Variants in TMOD2 observed in about 807,000 individuals in gnomAD.
TMOD2 encodes the protein tropomodulin-2.
Under a neutral mutation model 39.9 loss-of-function variants are expected in TMOD2, and 22 were observed. The ratio of observed to expected loss-of-function variants is 0.55; its 90% CI spans 0.39 to 0.79. The LOEUF is 0.79. TMOD2 is among the 30% of genes least tolerant of loss of function. The probability of loss-of-function intolerance (pLI) is 0.00; values close to 1 mark genes in which losing one functional copy is unlikely to be tolerated. For synonymous variants in TMOD2, 123 were observed against 146.1 expected, an observed-to-expected ratio of 0.84 and a Z score of 1.14; for missense variants, 386 against 413.3, an observed-to-expected ratio of 0.93 and a Z score of 0.57.
chr15:51,753,139 T>G (rs1163981813), intron 1 of TMOD2, among the ~76,000 whole-genome samples: 1 of 152,016 alleles, frequency 6.6e-6, no homozygotes, highest in Non-Finnish European at 1.5e-5. Context: ...AAAAGAAATA[T>G]GCAATAGAAG....
At position 51,816,079 on chromosome 15, in the gene TMOD2, G is replaced by C. The variant is rs2056186832; in HGVS notation, c.*7625G>C. 1 of 152,178 alleles carries C rather than the reference G, an allele frequency of 6.6e-6. No individual in the cohort carries two copies. Among genetic ancestry groups the C allele is most frequent in the Admixed American group, 6.5e-5 (1 of 15,284 alleles). 9.4% of individuals were successfully genotyped at this position (152,178 alleles called of 1,614,324 possible). On this transcript the variant is annotated 3_prime_UTR_variant, in exon 10 of 10. Coordinates refer to ENST00000249700, the MANE Select transcript of TMOD2 (RefSeq NM_014548.4). ...CTTTTTAAATGTGAAGTTGAACACT[G>C]TGTGGAAAGTAAATGTGTGATGAAG...
chr15:51,768,059 T>C (rs1174222307), intron 2 of TMOD2, among the ~76,000 whole-genome samples: 2 of 152,220 alleles, frequency 1.3e-5, no homozygotes, highest in African/African-American at 2.4e-5. Context: ...TTGAGCTCAT[T>C]GGGAGCCCCC....
rs146383373 is a variant in TMOD2, at chr15:51,794,214, C to T, written c.733-3983C>T. Among the ~76,000 whole-genome samples, 261 of 152,312 alleles carry T rather than the reference C, an allele frequency of 1.7e-3. 11 individuals carry two copies. Among genetic ancestry groups the T allele is most frequent in the East Asian group, 0.017 (88 of 5,180 alleles). ...TATCCTTCAATACACAGGACAGCCT[C>T]CCACAACAAAGAATTCTTTGGCCCC... On this transcript the variant is annotated intron_variant, in intron 7 of 9. Transcript: ENST00000249700.
chr15:51,777,454 T>C (rs571770673), intron 5 of TMOD2, among the ~76,000 whole-genome samples: 1 of 152,346 alleles, frequency 6.6e-6, no homozygotes, highest in African/African-American at 2.4e-5. Flanking sequence ...AATAGATGCT[T>C]GTCATTAGAA....
At chr15:51,795,610 C>CTTTCTTTTT (rs1555462818) in intron 7 of TMOD2, among the ~76,000 whole-genome samples, 1 of 122,670 alleles carries the variant, frequency 8.2e-6, no homozygotes, top group African/African-American at 3.0e-5. Context: ...TTCTTTCTTT[C>CTTTCTTTTT]TTTCTTTCTT....
chr15:51,771,644 G>A, intron 3 of TMOD2, among the ~76,000 whole-genome samples: 1 of 152,194 alleles, frequency 6.6e-6, no homozygotes, highest in East Asian at 1.9e-4. Flanking sequence ...CAGCCTGGGT[G>A]ACGGAGTGAG....
chr15:51,767,780 G>C (rs1688313297), intron 2 of TMOD2, among the ~76,000 whole-genome samples: 2 of 152,114 alleles, frequency 1.3e-5, no homozygotes. Context: ...TTCTGTTGTT[G>C]TTTTTTTAAA....
At chr15:51,804,793 G>A (rs945772365) in intron 8 of TMOD2, among the ~76,000 whole-genome samples, 20 of 152,012 alleles carry the variant, frequency 1.3e-4, no homozygotes, top group African/African-American at 3.6e-4. Flanking sequence ...GGCTGGTTTC[G>A]AACACCTGAC....
chr15:51,768,110 G>A lies in TMOD2; in HGVS notation c.127-152G>A, dbSNP rs60471699. On this transcript the variant is annotated intron_variant, in intron 2 of 9. Transcript: ENST00000249700. ...TTATAACAAATAGGGCCTCAGAGGC[G>A]TCCCAGAGCCCCCAGCCCTCAGCTC... 1,701 of 838,462 alleles carry A rather than the reference G, an allele frequency of 2.0e-3. 19 individuals carry two copies. In the African/African-American group the frequency reaches 0.024, roughly 12 times the overall value. The allele number at this position is 838,462 out of a possible 1,614,324, so 51.9% of individuals were successfully genotyped here.
rs781744279 is a variant in TMOD2, at chr15:51,782,775, C to G, written c.679C>G (p.His227Asp). 6.2e-7 allele frequency: 1 copy of G among 1,613,968 alleles called. No individual in the cohort carries two copies. Among genetic ancestry groups the G allele is most frequent in the Non-Finnish European group, 8.5e-7 (1 of 1,179,944 alleles). The change falls in exon 7 of 10, where the codon CAC becomes GAC. Residue 227 changes from histidine (H) to aspartate (D), a missense_variant. Physicochemically the swap from His to Asp is moderately conservative, Grantham distance 81. Transcript: ENST00000249700. ...EFAKALETNT[H>D]VKKFSLAATR... ...TGCAAAGGCTCTGGAGACCAACACT[C>G]ACGTGAAGAAGTTCAGCCTGGCCGC...
chr15:51,759,882 C>T (rs2055768825), intron 1 of TMOD2, among the ~76,000 whole-genome samples: 1 of 152,218 alleles, frequency 6.6e-6, no homozygotes, highest in South Asian at 2.1e-4. Flanking sequence ...CACCCAAGGC[C>T]TGAGGCCAGC....
intron 7 of TMOD2, among the ~76,000 whole-genome samples, chr15:51,797,120 A>G (rs1393763622): frequency 1.3e-5 from 2 of 152,262 alleles, no homozygotes; most frequent in Non-Finnish European, 2.9e-5. Flanking sequence ...ACTGAGGTTG[A>G]CAGCAGGTAA....
chr15:51,768,143 C>A, intron 2 of TMOD2, 119 bp from the exon 3 acceptor site: 1 of 1,184,674 alleles, frequency 8.4e-7, no homozygotes, highest in Non-Finnish European at 1.2e-6. Context: ...CTCACACGCA[C>A]ATTCTGCGTA....
rs2056146996 is a variant in TMOD2, at chr15:51,810,174, TTTA to T, written c.*1721_*1723del. The T allele has an allele frequency of 1.3e-5, 2 of 152,156 alleles. No homozygotes were observed. The highest frequency in any genetic ancestry group is 4.1e-4 in the South Asian group (2 of 4,836). The allele number at this position is 152,156 out of a possible 1,614,324, so 9.4% of individuals were successfully genotyped here. On this transcript the variant is annotated 3_prime_UTR_variant, in exon 10 of 10. Transcript: ENST00000249700. The stretch of plus-strand genomic sequence containing the variant: ...CTGATTTTTCCTTCCCTTTCACCCA[TTTA>T]GGTGTGATGTGTTGGAGTCAACTTG...
At chr15:51,782,656 T>C in intron 6 of TMOD2, 65 bp from the exon 7 acceptor site, 2 of 1,277,072 alleles carry the variant, frequency 1.6e-6, no homozygotes, top group Non-Finnish European at 1.1e-6. Context: ...AGGTTGTGGG[T>C]TCTTACCTTG....
intron 7 of TMOD2, among the ~76,000 whole-genome samples, chr15:51,796,325 C>CTT (rs2056051200): frequency 1.3e-5 from 2 of 152,128 alleles, no homozygotes; most frequent in Non-Finnish European, 2.9e-5. Context: ...TGCTAGAGCA[C>CTT]AGTAGAAGCC....
Position 51,801,283 on chromosome 15 carries a change from A to G in TMOD2, c.876+2943A>G, listed in dbSNP as rs867696894. Among the ~76,000 whole-genome samples, 47 of 125,956 alleles carry G rather than the reference A, an allele frequency of 3.7e-4. 1 individual carries two copies. The South Asian group carries it at 0.012, about 31-fold the overall frequency. The allele number at this position is 125,956 out of a possible 152,430, so 82.6% of individuals were successfully genotyped here. A position where few individuals can be genotyped will look rare whatever the true frequency, so the allele number is the denominator to read the frequency against. On this transcript the variant is annotated intron_variant, in intron 8 of 9. Coordinates refer to ENST00000249700, the MANE Select transcript of TMOD2 (RefSeq NM_014548.4). ...CACACACACACACACACACACACAC[A>G]CCCTGTCTCTCTCTCTCTCTCTCTC...
chr15:51,773,656 T>C, intron 3 of TMOD2, 56 bp from the exon 4 acceptor site: 1 of 1,537,326 alleles, frequency 6.5e-7, no homozygotes, highest in East Asian at 2.3e-5. Context: ...TCAGTCTACT[T>C]ACCCTACCAA....
At chr15:51,786,864 A>G (rs2055973909) in intron 7 of TMOD2, among the ~76,000 whole-genome samples, 1 of 152,240 alleles carries the variant, frequency 6.6e-6, no homozygotes, top group South Asian at 2.1e-4. Context: ...GTCACTTCCA[A>G]GATGGCCAAA....
Sources: allele counts gnomAD v4.1 joint callset (sites outside exome capture counted in the v4.1 genomes callset), GRCh38; gene constraint gnomAD v4.1.1; transcripts MANE v1.5; gene names NCBI Gene and HGNC (gene_info 2026-07-23, HGNC 2026-07-21).